Variants in RFX7 observed in about 807,000 individuals in gnomAD.
RFX7 encodes the protein regulatory factor X7, also known as DNA-binding protein RFX7.
In RFX7, 26 loss-of-function variants were observed where a neutral mutation model predicts 111.8. The ratio of observed to expected loss-of-function variants is 0.23; its 90% confidence interval spans 0.17 to 0.32. RFX7 has a LOEUF of 0.32. Among genes scored for constraint, RFX7 ranks in the 10% least tolerant of loss-of-function variants. The pLI is 1.00. For missense variants in RFX7, 1,573 were observed against 1,772.9 expected (o/e 0.89, Z 2.02); for synonymous variants, 624 against 624.4 (o/e 1.00, Z 0.01).
chr15:56,150,223 G>C (rs2042549871), intron 3 of RFX7, among the ~76,000 whole-genome samples: 1 of 152,190 alleles, frequency 6.6e-6, no homozygotes, highest in African/African-American at 2.4e-5. Flanking sequence ...AGCAGCCCCA[G>C]TCAGTGGCTT....
chr15:56,238,105 G>T (rs1457960007), intron 2 of RFX7, among the ~76,000 whole-genome samples: 11 of 152,146 alleles, frequency 7.2e-5, no homozygotes, highest in African/African-American at 1.9e-4. Context: ...TGTAGCTGAA[G>T]GAACAATATT....
At chr15:56,183,192 G>A (rs1036422093) in intron 2 of RFX7, among the ~76,000 whole-genome samples, 5 of 151,872 alleles carry the variant, frequency 3.3e-5, no homozygotes, top group African/African-American at 9.7e-5. Context: ...ATTTTTAAGC[G>A]GAGCTATTTC....
chr15:56,239,705 A>C (rs2043665444), intron 2 of RFX7, among the ~76,000 whole-genome samples: 1 of 152,148 alleles, frequency 6.6e-6, no homozygotes, highest in African/African-American at 2.4e-5. Context: ...ATTTTGGATT[A>C]GGGATGATCA....
At chr15:56,155,613 G>A (rs570185447) in intron 3 of RFX7, among the ~76,000 whole-genome samples, 46 of 152,240 alleles carry the variant, frequency 3.0e-4, no homozygotes, top group African/African-American at 1.0e-3. Flanking sequence ...GGGGCCCGTC[G>A]GCGGGTGTGG....
chr15:56,239,915 C>T (rs534620563), intron 2 of RFX7, among the ~76,000 whole-genome samples: 9 of 150,072 alleles, frequency 6.0e-5, no homozygotes, highest in Admixed American at 4.6e-4. Context: ...GTTGCTTACA[C>T]TAAAAAATTT....
intron 5 of RFX7, among the ~76,000 whole-genome samples, chr15:56,113,599 G>A (rs1268002856): frequency 5.9e-5 from 9 of 151,592 alleles, no homozygotes; most frequent in Non-Finnish European, 4.4e-5. Context: ...AACCACCATG[G>A]CACATGTTTA....
At chr15:56,133,137 A>G (rs72738605) in intron 5 of RFX7, among the ~76,000 whole-genome samples, 19,789 of 152,158 alleles carry the variant, frequency 0.13, 1,677 homozygotes, top group East Asian at 0.44. Context: ...TTAGAAAAAC[A>G]GTATAAAAAT....
intron 3 of RFX7, among the ~76,000 whole-genome samples, chr15:56,168,569 C>G (rs1458070181): frequency 1.3e-5 from 2 of 152,196 alleles, no homozygotes; most frequent in African/African-American, 4.8e-5. Flanking sequence ...TAACACTGGA[C>G]AGCATGACTA....
At chr15:56,162,331 T>A (rs78471693) in intron 3 of RFX7, among the ~76,000 whole-genome samples, 1,667 of 152,220 alleles carry the variant, frequency 0.011, 31 homozygotes, top group African/African-American at 0.039. Flanking sequence ...GAGTTTACTT[T>A]TCTGCAAGTT....
intron 3 of RFX7, among the ~76,000 whole-genome samples, chr15:56,156,154 T>C (rs2042649822): frequency 6.6e-6 from 1 of 152,110 alleles, no homozygotes; most frequent in South Asian, 2.1e-4. Flanking sequence ...TAAAAAATGT[T>C]TTCCAGTGTC....
intron 5 of RFX7, among the ~76,000 whole-genome samples, chr15:56,122,066 T>G (rs370894457): frequency 1.3e-5 from 2 of 152,204 alleles, no homozygotes; most frequent in Non-Finnish European, 2.9e-5. Context: ...CTGAATGGTC[T>G]TGATGCTTGT....
intron 2 of RFX7, 63 bp downstream of exon 2, chr15:56,243,062 C>CCCCCCCAATG: frequency 9.5e-7 from 1 of 1,049,048 alleles, no homozygotes; most frequent in Non-Finnish European, 1.3e-6. Context: ...CGCCGCCCCC[C>CCCCCCCAATG]ACCCACTTTG....
intron 2 of RFX7, among the ~76,000 whole-genome samples, chr15:56,193,807 A>G (rs1299594544): frequency 8.5e-5 from 13 of 152,176 alleles, no homozygotes; most frequent in Admixed American, 3.9e-4. Flanking sequence ...TCTCTAAATC[A>G]AACTATAGGG....
At chr15:56,186,327 C>T (rs185323428) in intron 2 of RFX7, among the ~76,000 whole-genome samples, 17 of 152,232 alleles carry the variant, frequency 1.1e-4, no homozygotes, top group Admixed American at 7.9e-4. Flanking sequence ...CATCAATCCC[C>T]AGCATTTAAG....
At chr15:56,172,401 G>A (rs1290655438) in intron 3 of RFX7, among the ~76,000 whole-genome samples, 1 of 152,078 alleles carries the variant, frequency 6.6e-6, no homozygotes, top group Admixed American at 6.6e-5. Context: ...GTAAAATTAA[G>A]CATTTAACTA....
intron 3 of RFX7, among the ~76,000 whole-genome samples, chr15:56,163,950 A>G (rs546422938): frequency 1.8e-4 from 28 of 152,320 alleles, no homozygotes; most frequent in Admixed American, 1.8e-3. Flanking sequence ...CAAAAGCCAC[A>G]AACTCAAACG....
At chr15:56,141,718 A>G (rs979410480) in intron 5 of RFX7, among the ~76,000 whole-genome samples, 23 of 131,570 alleles carry the variant, frequency 1.7e-4, no homozygotes, top group Admixed American at 3.2e-4. Context: ...ACTGTTTACA[A>G]TTGTATCCTG....
chr15:56,092,150 G>C lies in RFX7; in HGVS notation c.*1195C>G, dbSNP rs1406671288. 1 of 152,396 alleles carries C rather than the reference G, an allele frequency of 6.6e-6. No individual in the cohort carries two copies. Among genetic ancestry groups the C allele is most frequent in the Admixed American group, 6.6e-5 (1 of 15,248 alleles). The allele number at this position is 152,396 out of a possible 1,614,324, so 9.4% of individuals were successfully genotyped here. On this transcript the variant is annotated 3_prime_UTR_variant, in exon 10 of 10. Transcript: ENST00000559447. ...TCCTGAGTTCTTCTTTTGCAATTGT[G>C]GTTATCACAATAAATAAATTAAGCA...
At chr15:56,140,302 G>A (rs537620548) in intron 5 of RFX7, among the ~76,000 whole-genome samples, 10 of 152,334 alleles carry the variant, frequency 6.6e-5, no homozygotes, top group South Asian at 2.1e-4. Context: ...AGCCAGGTGC[G>A]GGATATAATC....
Sources: allele counts gnomAD v4.1 joint callset (sites outside exome capture counted in the v4.1 genomes callset), GRCh38; gene constraint gnomAD v4.1.1; transcripts MANE v1.5; gene names NCBI Gene and HGNC (gene_info 2026-07-23, HGNC 2026-07-21).